SIMC1: variants seen among roughly 807,000 people sequenced by gnomAD.
SIMC1 encodes the protein SUMO interacting motifs containing 1, also known as SUMO-interacting motif-containing protein 1.
SIMC1 carries 55 observed loss-of-function variants against 82.3 expected under a neutral mutation model. That is an observed-to-expected ratio of 0.67 (90% CI 0.54 to 0.84). The LOEUF (loss-of-function observed/expected upper bound fraction) is 0.84, where lower values mean the gene tolerates loss of function less well. Ranked by LOEUF, SIMC1 falls within the 40% of genes least tolerant of loss-of-function variation. The pLI, the probability that SIMC1 is intolerant of heterozygous loss-of-function variation, is 0.00. For synonymous variants in SIMC1, 353 were observed against 426.3 expected (o/e 0.83, Z 2.12); for missense variants, 915 against 1,107.2 (o/e 0.83, Z 2.46).
intron 1 of SIMC1, among the ~76,000 whole-genome samples, chr5:176,279,154 C>G (rs1176923682): frequency 6.6e-6 from 1 of 152,184 alleles, no homozygotes; most frequent in Admixed American, 6.5e-5. Context: ...TTCAGAGATT[C>G]AACTTCTTCC....
intron 1 of SIMC1, among the ~76,000 whole-genome samples, chr5:176,273,745 A>C (rs968371440): frequency 3.3e-5 from 5 of 152,048 alleles, no homozygotes; most frequent in Non-Finnish European, 2.9e-5. Flanking sequence ...ATGAGTGAGA[A>C]TATGCGGTGT....
rs1761255717 is a variant in SIMC1 at position 176,240,878 on chromosome 5, AG to A, written c.129+2243del. On this transcript the variant is annotated intron_variant, in intron 1 of 9. Transcript: ENST00000429602. Reference sequence around the variant, plus strand: ...TTAAATTTTTAATGAGACAAATGCAAGGAAAGGATCTCATATAAATGATAGC... The same window carrying A: ...TTAAATTTTTAATGAGACAAATGCAAGAAAGGATCTCATATAAATGATAGC... 3.2e-5 allele frequency among the ~76,000 whole-genome samples: 3 copies of A among 93,188 alleles called. 1 individual carries two copies. The South Asian group carries it at 9.7e-4, about 30-fold the overall frequency. 61.1% of individuals were successfully genotyped at this position (93,188 alleles called of 152,430 possible). A position where few individuals can be genotyped will look rare whatever the true frequency, so the allele number is the denominator to read the frequency against.
chr5:176,240,920 T>G (rs1761256151), intron 1 of SIMC1, among the ~76,000 whole-genome samples: 1 of 91,720 alleles, frequency 1.1e-5, no homozygotes, highest in Non-Finnish European at 2.4e-5. Flanking sequence ...CCACTTTTTG[T>G]GTTGTTTCTA....
intron 4 of SIMC1, among the ~76,000 whole-genome samples, chr5:176,312,343 C>T (rs1217102184): frequency 6.6e-6 from 1 of 152,032 alleles, no homozygotes; most frequent in Non-Finnish European, 1.5e-5. Flanking sequence ...CAAGACCAGC[C>T]TCACCATTAT....
At chr5:176,333,403 ATC>A (rs1765750899) in intron 7 of SIMC1, among the ~76,000 whole-genome samples, 3 of 152,056 alleles carry the variant, frequency 2.0e-5, no homozygotes, top group Admixed American at 2.0e-4. Flanking sequence ...CTGGTGATTC[ATC>A]CAGGTTGTGG....
chr5:176,285,058 A>G (rs551971018), intron 1 of SIMC1, among the ~76,000 whole-genome samples: 3 of 152,378 alleles, frequency 2.0e-5, no homozygotes, highest in South Asian at 2.1e-4. Context: ...TACCAGAGGT[A>G]CAAGGGGGAG....
chr5:176,267,743 T>G lies in SIMC1; in HGVS notation c.130-21911T>G, dbSNP rs1485067074. On this transcript the variant is annotated intron_variant, in intron 1 of 9. Transcript: ENST00000429602. ...TTTTCTTTTCTTTCTGTTTTTTTTT[T>G]TTTTTTTTTTTTTTTTTTTGTCCCC... Among the ~76,000 whole-genome samples, 27 of 93,584 alleles carry G rather than the reference T, an allele frequency of 2.9e-4. No individual in the cohort carries two copies. The South Asian group carries it at 8.3e-3, about 29-fold the overall frequency. The allele number at this position is 93,584 out of a possible 152,430, so 61.4% of individuals were successfully genotyped here. A position where few individuals can be genotyped will look rare whatever the true frequency, so the allele number is the denominator to read the frequency against.
chr5:176,300,533 G>A (rs185539635), intron 4 of SIMC1, among the ~76,000 whole-genome samples: 1 of 150,658 alleles, frequency 6.6e-6, no homozygotes, highest in East Asian at 2.0e-4. Flanking sequence ...AGTTGCCCAG[G>A]CTGGTCTTGA....
intron 6 of SIMC1, among the ~76,000 whole-genome samples, chr5:176,324,017 C>T (rs1383186180): frequency 6.7e-6 from 1 of 148,848 alleles, no homozygotes; most frequent in South Asian, 2.1e-4. Context: ...AAAAAAAACA[C>T]GTGTTAGAAA....
intron 7 of SIMC1, among the ~76,000 whole-genome samples, chr5:176,326,372 T>G (rs1252555422): frequency 2.0e-5 from 3 of 152,000 alleles, no homozygotes; most frequent in Non-Finnish European, 4.4e-5. Flanking sequence ...AATTATCTCA[T>G]TTGTTTTCTG....
intron 4 of SIMC1, among the ~76,000 whole-genome samples, chr5:176,303,028 CT>C (rs201255135): frequency 6.6e-6 from 1 of 151,188 alleles, no homozygotes; most frequent in East Asian, 1.9e-4. Context: ...AACAGCATTT[CT>C]TTTTTTTTGT....
chr5:176,289,889 G>A lies in SIMC1; in HGVS notation c.365G>A (p.Arg122Gln), dbSNP rs774695118. The change falls in exon 2 of 10, where the codon CGG becomes CAG. Residue 122 changes from arginine to glutamine, a missense_variant. This residue lies in a region of SIMC1 where 902 missense variants were observed against 1,040.3 expected (regional missense o/e 0.87). Transcript: ENST00000429602. ...GACAGAAGCTCTCAGCCTACAGCACGGAGAATCATTAACAGTGATCCTGTA... is the reference window on the plus strand; with the variant it reads ...GACAGAAGCTCTCAGCCTACAGCACAGAGAATCATTAACAGTGATCCTGTA... ...HVDRSSQPTARRIINSDPVDL... is the reference protein window; with the variant it reads ...HVDRSSQPTAQRIINSDPVDL... The A allele has an allele frequency of 5.0e-6, 8 of 1,613,732 alleles. No individual in the cohort carries two copies. The highest frequency in any genetic ancestry group is 2.2e-5 in the South Asian group (2 of 91,070).
chr5:176,274,356 G>GT (rs1407269471), intron 1 of SIMC1, among the ~76,000 whole-genome samples: 2 of 150,412 alleles, frequency 1.3e-5, no homozygotes, highest in Admixed American at 6.6e-5. Context: ...GGGGTTGTTT[G>GT]TTTTTTTCTT....
At chr5:176,265,697 C>G (rs1460349572) in intron 1 of SIMC1, among the ~76,000 whole-genome samples, 1 of 152,042 alleles carries the variant, frequency 6.6e-6, no homozygotes, top group Non-Finnish European at 1.5e-5. Flanking sequence ...GGCAATACAA[C>G]TGTTAAAATT....
At chr5:176,313,334 C>T (rs1764747168) in intron 4 of SIMC1, 1 of 1,478,640 alleles carries the variant, frequency 6.8e-7, no homozygotes, top group East Asian at 2.5e-5. Flanking sequence ...CTTCCCATGG[C>T]TGCCTCTTAA....
rs556733898 is a variant in SIMC1, at chr5:176,280,979, C to T, written c.130-8675C>T. Among the ~76,000 whole-genome samples the T allele has an allele frequency of 1.3e-3, 195 of 152,280 alleles. 1 individual carries two copies. The highest frequency in any genetic ancestry group is 4.5e-3 in the African/African-American group (189 of 41,568). On this transcript the variant is annotated intron_variant, in intron 1 of 9. Coordinates refer to ENST00000429602, the MANE Select transcript of SIMC1 (RefSeq NM_001308195.2). ...TTTCCTGAATCTGAATGTTGGCCTG[C>T]CTTGCTAGATTGGGGAAGTTCTCCT...
At position 176,336,819 on chromosome 5, in the gene SIMC1, G is replaced by A. The variant is rs747633354; in HGVS notation, c.2271G>A (p.Leu757=). The A allele has an allele frequency of 6.2e-7, 1 of 1,613,992 alleles. No individual in the cohort carries two copies. Among genetic ancestry groups the A allele is most frequent in the South Asian group, 1.1e-5 (1 of 91,086 alleles). ...GTGAGACACCCACCCGCCTGCCTCT[G>A]TCTCTGGCCCAGGCCCTCTACTTTC... ...HSCETPTRLP[L]SLAQALYFLN... The change falls in exon 8 of 10, where the codon CTG becomes CTA. Residue 757 remains leucine (L), a synonymous_variant. Coordinates refer to ENST00000429602, the MANE Select transcript of SIMC1 (RefSeq NM_001308195.2).
chr5:176,268,202 AAT>A (rs55741719), intron 1 of SIMC1, among the ~76,000 whole-genome samples: 9,910 of 102,006 alleles, frequency 0.097, 418 homozygotes, highest in Middle Eastern at 0.13. Flanking sequence ...AATGCCAAAA[AAT>A]ATGTCACTAG....
At chr5:176,308,538 G>A (rs1275197159) in intron 4 of SIMC1, 4 of 1,603,398 alleles carry the variant, frequency 2.5e-6, no homozygotes, top group Non-Finnish European at 3.4e-6. Context: ...CTGTTTCATA[G>A]AAGATAAGAA....
Sources: allele counts gnomAD v4.1 joint callset (sites outside exome capture counted in the v4.1 genomes callset), GRCh38; gene constraint gnomAD v4.1.1; regional missense constraint gnomAD v4.1.1; transcripts MANE v1.5; gene names NCBI Gene and HGNC (gene_info 2026-07-23, HGNC 2026-07-21).